The following RASAL2 variants were observed in gnomAD, a reference collection of about 807,000 sequenced individuals.
The protein encoded by RASAL2 is RAS protein activator like 2, also known as ras GTPase-activating protein nGAP.
RASAL2 carries 58 observed loss-of-function variants against 128.9 expected under a neutral mutation model. That is an observed-to-expected ratio of 0.45 (90% CI 0.36 to 0.56). The LOEUF is 0.56. Among genes scored for constraint, RASAL2 ranks in the 20% least tolerant of loss-of-function variants. The pLI is 0.00. For synonymous variants in RASAL2, 561 were observed against 580.8 expected (o/e 0.97, Z 0.49); for missense variants, 1,360 against 1,601.6 (o/e 0.85, Z 2.57).
chr1:178,207,545 A>C (rs1663096984), intron 1 of RASAL2, among the ~76,000 whole-genome samples: 1 of 152,214 alleles, frequency 6.6e-6, no homozygotes, highest in African/African-American at 2.4e-5. Flanking sequence ...ATTGAAGGGA[A>C]TCCTGGAACC....
At chr1:178,376,813 A>G (rs1672013017) in intron 3 of RASAL2, among the ~76,000 whole-genome samples, 1 of 152,152 alleles carries the variant, frequency 6.6e-6, no homozygotes, top group Admixed American at 6.5e-5. Flanking sequence ...TTTTTGAATG[A>G]ATGAATGATA....
In RASAL2 at chr1:178,451,639, A is replaced by G. The variant is rs1293708782; in HGVS notation, c.1696A>G (p.Ser566Gly). ...CEVDPSKCSS[S>G]ELIDHQSNLK... Reference sequence around the variant, plus strand: ...AGTGGATCCCAGCAAATGTTCATCTAGTGAACTGATAGACCATCAGAGCAA... The same window carrying G: ...AGTGGATCCCAGCAAATGTTCATCTGGTGAACTGATAGACCATCAGAGCAA... The change falls in exon 10 of 18, where the codon AGT (serine) becomes GGT (glycine). Residue 566 changes from serine (S) to glycine (G), a missense_variant. Transcript: ENST00000367649. The G allele has an allele frequency of 6.2e-7, 1 of 1,613,774 alleles. No homozygotes were observed. The highest frequency in any genetic ancestry group is 8.5e-7 in the Non-Finnish European group (1 of 1,179,800).
intron 1 of RASAL2, among the ~76,000 whole-genome samples, chr1:178,176,387 G>A (rs1661892904): frequency 6.7e-6 from 1 of 148,208 alleles, no homozygotes; most frequent in Non-Finnish European, 1.5e-5. Context: ...CCTGTCATTT[G>A]CCCACTTTTT....
At chr1:178,139,540 A>G (rs1041367229) in intron 1 of RASAL2, among the ~76,000 whole-genome samples, 1 of 152,106 alleles carries the variant, frequency 6.6e-6, no homozygotes, top group East Asian at 1.9e-4. Flanking sequence ...TTTAATTCCC[A>G]ATATGGCACA....
chr1:178,183,187 A>T (rs577637227), intron 1 of RASAL2, among the ~76,000 whole-genome samples: 2 of 152,282 alleles, frequency 1.3e-5, no homozygotes, highest in Admixed American at 1.3e-4. Flanking sequence ...TACAGACTTC[A>T]CTAGTTTCCA....
chr1:178,095,284 C>T (rs1339757832), intron 1 of RASAL2, among the ~76,000 whole-genome samples: 2 of 152,186 alleles, frequency 1.3e-5, no homozygotes, highest in Admixed American at 6.5e-5. Context: ...GGTTGCCACT[C>T]AGCAGGTTAA....
At chr1:178,258,337 A>G (rs905716523) in intron 1 of RASAL2, among the ~76,000 whole-genome samples, 2 of 151,912 alleles carry the variant, frequency 1.3e-5, no homozygotes, top group Non-Finnish European at 2.9e-5. Flanking sequence ...ACATCCCCAC[A>G]GAATGGAAGA....
intron 1 of RASAL2, among the ~76,000 whole-genome samples, chr1:178,250,517 G>C (rs868650474): frequency 6.6e-6 from 1 of 152,238 alleles, no homozygotes; most frequent in Non-Finnish European, 1.5e-5. Context: ...AGCTGTTTGG[G>C]AGTGGGACTC....
intron 4 of RASAL2, among the ~76,000 whole-genome samples, chr1:178,400,758 T>C (rs1394271211): frequency 6.6e-6 from 1 of 152,140 alleles, no homozygotes; most frequent in Non-Finnish European, 1.5e-5. Flanking sequence ...AATTAATTAA[T>C]TAATTAATTA....
intron 3 of RASAL2, among the ~76,000 whole-genome samples, chr1:178,302,987 A>T (rs1667833160): frequency 6.6e-6 from 1 of 152,140 alleles, no homozygotes; most frequent in East Asian, 1.9e-4. Context: ...ACTGCACTCC[A>T]GCCTGGGAGA....
chr1:178,471,889 T>C (rs1648304343), intron 17 of RASAL2, among the ~76,000 whole-genome samples: 1 of 152,220 alleles, frequency 6.6e-6, no homozygotes, highest in Non-Finnish European at 1.5e-5. Flanking sequence ...GCCCTGCTAC[T>C]TCCTCTCTGA....
intron 16 of RASAL2, among the ~76,000 whole-genome samples, chr1:178,467,004 G>A (rs1180752073): frequency 6.6e-6 from 1 of 152,204 alleles, no homozygotes; most frequent in Non-Finnish European, 1.5e-5. Flanking sequence ...CAGGTTTAGG[G>A]TAACTTGAGA....
At chr1:178,413,822 A>G (rs1196543082) in intron 4 of RASAL2, among the ~76,000 whole-genome samples, 2 of 152,250 alleles carry the variant, frequency 1.3e-5, no homozygotes, top group Non-Finnish European at 2.9e-5. Context: ...ATTATAAAAA[A>G]GAACCAAAAG....
intron 5 of RASAL2, among the ~76,000 whole-genome samples, chr1:178,431,588 T>G (rs1178380718): frequency 1.3e-5 from 2 of 152,054 alleles, no homozygotes; most frequent in Non-Finnish European, 2.9e-5. Flanking sequence ...GAATTTGAAG[T>G]ATGAATGTAT....
chr1:178,458,591 T>C, intron 14 of RASAL2, 47 bp downstream of exon 14: 3 of 1,523,716 alleles, frequency 2.0e-6, no homozygotes, highest in Non-Finnish European at 2.6e-6. Context: ...GGTCCATCTG[T>C]TTCCTTGGTT....
At chr1:178,420,644 C>CAA (rs533965941) in intron 5 of RASAL2, 24 bp downstream of exon 5, 2 of 1,517,770 alleles carry the variant, frequency 1.3e-6, no homozygotes, top group Non-Finnish European at 1.8e-6. Flanking sequence ...TTTCTTAAAA[C>CAA]AAAAAAAGCA....
intron 4 of RASAL2, among the ~76,000 whole-genome samples, chr1:178,412,827 A>G (rs540567795): frequency 2.0e-5 from 3 of 152,268 alleles, no homozygotes; most frequent in Admixed American, 6.5e-5. Flanking sequence ...GGAGGCCACA[A>G]TTTTTAAAAA....
intron 4 of RASAL2, among the ~76,000 whole-genome samples, chr1:178,400,044 C>T (rs974853310): frequency 6.6e-6 from 1 of 152,204 alleles, no homozygotes; most frequent in Non-Finnish European, 1.5e-5. Context: ...TTCCCCTCTT[C>T]TTTCCCTTCA....
At chr1:178,235,700 C>T (rs1054072478) in intron 1 of RASAL2, among the ~76,000 whole-genome samples, 1 of 151,986 alleles carries the variant, frequency 6.6e-6, no homozygotes, top group Non-Finnish European at 1.5e-5. Flanking sequence ...TTATAAAGAC[C>T]GGATCAAGTG....
Sources: gnomAD v4.1 joint callset for allele counts (sites outside exome capture counted in the v4.1 genomes callset) on GRCh38, gnomAD v4.1.1 for gene constraint, MANE v1.5 for transcripts, NCBI Gene and HGNC (gene_info 2026-07-23, HGNC 2026-07-21) for gene names.